Variants in TAFA1 observed in about 807,000 individuals in gnomAD.
The protein encoded by TAFA1 is chemokine-like protein TAFA-1.
TAFA1 carries 4 observed loss-of-function variants against 18.5 expected under a neutral mutation model. That is an observed-to-expected ratio of 0.22 (90% confidence interval 0.11 to 0.49). The LOEUF is 0.49. Ranked by LOEUF, TAFA1 falls within the 20% of genes least tolerant of loss-of-function variation. The pLI, the probability that TAFA1 is intolerant of heterozygous loss-of-function variation, is 0.98. For missense variants in TAFA1, 147 were observed against 169.0 expected (o/e 0.87, Z 0.72); for synonymous variants, 56 against 55.2 (o/e 1.01, Z -0.06).
intron 3 of TAFA1, among the ~76,000 whole-genome samples, chr3:68,442,816 A>C (rs2071408108): frequency 1.3e-5 from 2 of 152,202 alleles, no homozygotes; most frequent in South Asian, 4.1e-4. Context: ...TCTCACAGGC[A>C]ATCTTTACTA....
intron 2 of TAFA1, among the ~76,000 whole-genome samples, chr3:68,273,905 G>A (rs1475576092): frequency 2.6e-5 from 4 of 152,074 alleles, no homozygotes; most frequent in East Asian, 1.9e-4. Context: ...TAAGGGACTC[G>A]TATGTCAACA....
intron 3 of TAFA1, among the ~76,000 whole-genome samples, chr3:68,528,625 G>A (rs772464619): frequency 4.6e-5 from 7 of 152,212 alleles, no homozygotes; most frequent in Non-Finnish European, 1.0e-4. Flanking sequence ...CATCCTTACA[G>A]TGGAGTTCTA....
At chr3:68,416,668 C>G (rs1165862177) in intron 2 of TAFA1, among the ~76,000 whole-genome samples, 1 of 152,210 alleles carries the variant, frequency 6.6e-6, no homozygotes, top group African/African-American at 2.4e-5. Flanking sequence ...TGAGCTGTTA[C>G]AATTAAGTCA....
chr3:68,288,777 G>A (rs1276614053), intron 2 of TAFA1, among the ~76,000 whole-genome samples: 1 of 152,160 alleles, frequency 6.6e-6, no homozygotes. Context: ...ATTAATGACT[G>A]TTTCATGATA....
intron 2 of TAFA1, among the ~76,000 whole-genome samples, chr3:68,205,988 T>C (rs1457595953): frequency 6.6e-6 from 1 of 151,864 alleles, no homozygotes; most frequent in Non-Finnish European, 1.5e-5. Context: ...TCACCCCCGA[T>C]TAAAGATATA....
At chr3:68,453,717 G>A in intron 3 of TAFA1, among the ~76,000 whole-genome samples, 1 of 152,150 alleles carries the variant, frequency 6.6e-6, no homozygotes, top group East Asian at 1.9e-4. Context: ...GATAATTTTT[G>A]AGGAACTATT....
chr3:68,498,721 G>GTTTTT (rs1559694779), intron 3 of TAFA1, among the ~76,000 whole-genome samples: 13 of 101,688 alleles, frequency 1.3e-4, no homozygotes, highest in East Asian at 5.3e-4. Flanking sequence ...CCGTTTGGTG[G>GTTTTT]CTTTTTTTTT....
intron 2 of TAFA1, 124 bp downstream of exon 2, chr3:68,006,868 A>T: frequency 1.4e-6 from 1 of 696,384 alleles, no homozygotes; most frequent in Non-Finnish European, 2.6e-6. Context: ...ATTCCAAGAC[A>T]TATTGTTGGC....
At chr3:68,281,935 G>T (rs1382662826) in intron 2 of TAFA1, among the ~76,000 whole-genome samples, 1 of 152,138 alleles carries the variant, frequency 6.6e-6, no homozygotes, top group African/African-American at 2.4e-5. Flanking sequence ...CCTGAGACTG[G>T]GTTATTTATA....
intron 2 of TAFA1, among the ~76,000 whole-genome samples, chr3:68,214,028 A>C (rs1018309346): frequency 6.6e-6 from 1 of 152,132 alleles, no homozygotes; most frequent in Non-Finnish European, 1.5e-5. Context: ...ATATGTGTCT[A>C]CTGCAGTATG....
chr3:68,454,423 G>A (rs1169880857), intron 3 of TAFA1, among the ~76,000 whole-genome samples: 3 of 152,126 alleles, frequency 2.0e-5, no homozygotes, highest in Non-Finnish European at 2.9e-5. Flanking sequence ...ATCTGAAACA[G>A]CCTTGTACAA....
chr3:68,085,611 A>G (rs2064961481), intron 2 of TAFA1, among the ~76,000 whole-genome samples: 1 of 152,208 alleles, frequency 6.6e-6, no homozygotes, highest in African/African-American at 2.4e-5. Flanking sequence ...CTGAAGATCA[A>G]CCTGCTGCCT....
chr3:68,352,719 C>T (rs1351204815), intron 2 of TAFA1, among the ~76,000 whole-genome samples: 1 of 152,008 alleles, frequency 6.6e-6, no homozygotes, highest in Non-Finnish European at 1.5e-5. Context: ...ATGCCACTGC[C>T]ACAGTGGGAT....
Position 68,261,651 on chromosome 3 carries a change from C to A in TAFA1, c.119-155629C>A, listed in dbSNP as rs185437637. Among the ~76,000 whole-genome samples, 78 of 152,186 alleles carry A rather than the reference C, an allele frequency of 5.1e-4. 1 individual carries two copies. The East Asian group carries it at 0.015, about 29-fold the overall frequency. On this transcript the variant is annotated intron_variant, in intron 2 of 4. Transcript: ENST00000478136. The stretch of plus-strand genomic sequence containing the variant: ...TGAAACTGGAGACCATCATTCTCAG[C>A]AAACTATCACAAGGACAAAAAACCA...
intron 2 of TAFA1, among the ~76,000 whole-genome samples, chr3:68,057,874 G>A (rs2064555381): frequency 6.6e-6 from 1 of 152,168 alleles, no homozygotes; most frequent in Admixed American, 6.5e-5. Context: ...GCTTCTAGAA[G>A]CTAGAGAAGG....
chr3:68,036,353 C>A (rs1436282364), intron 2 of TAFA1, among the ~76,000 whole-genome samples: 1 of 148,370 alleles, frequency 6.7e-6, no homozygotes, highest in Non-Finnish European at 1.5e-5. Context: ...GCAGGAGAAT[C>A]ACTTGAACCC....
In TAFA1 at chr3:68,545,287, A is replaced by T. The variant is rs1236074681; in HGVS notation, c.*784A>T. 1 of 152,594 alleles carries T rather than the reference A, an allele frequency of 6.6e-6. No homozygotes were observed. Among genetic ancestry groups the T allele is most frequent in the Non-Finnish European group, 1.5e-5 (1 of 68,030 alleles). 9.5% of individuals were successfully genotyped at this position (152,594 alleles called of 1,614,324 possible). ...TGAGGATTCTTAAGGGAGCCACTCCACCATGCTATTAAGACTCTGGCAGAG... is the reference window on the plus strand; with the variant it reads ...TGAGGATTCTTAAGGGAGCCACTCCTCCATGCTATTAAGACTCTGGCAGAG... On this transcript the variant is annotated 3_prime_UTR_variant, in exon 5 of 5. Coordinates refer to ENST00000478136, the MANE Select transcript of TAFA1 (RefSeq NM_213609.4).
At chr3:68,166,199 G>C (rs919397933) in intron 2 of TAFA1, among the ~76,000 whole-genome samples, 3 of 152,154 alleles carry the variant, frequency 2.0e-5, no homozygotes, top group African/African-American at 7.2e-5. Context: ...TATTTGCAGG[G>C]ACAAGATTTT....
At chr3:68,073,670 T>A (rs749884401) in intron 2 of TAFA1, among the ~76,000 whole-genome samples, 7 of 147,586 alleles carry the variant, frequency 4.7e-5, no homozygotes, top group Non-Finnish European at 7.4e-5. Flanking sequence ...TACACAATAT[T>A]TTTTTTTCTC....
Sources: allele counts gnomAD v4.1 joint callset (sites outside exome capture counted in the v4.1 genomes callset), GRCh38; gene constraint gnomAD v4.1.1; transcripts MANE v1.5; gene names NCBI Gene and HGNC (gene_info 2026-07-23, HGNC 2026-07-21).